The following SMCHD1 variants were observed in gnomAD, a reference collection of about 807,000 sequenced individuals.
SMCHD1 encodes the protein structural maintenance of chromosomes flexible hinge domain-containing protein 1.
SMCHD1 carries 78 observed loss-of-function variants against 254.7 expected under a neutral mutation model. The observed-to-expected ratio is 0.31, with a 90% confidence interval of 0.26 to 0.37. SMCHD1 has a LOEUF of 0.37. Among genes scored for constraint, SMCHD1 ranks in the 10% least tolerant of loss-of-function variants. SMCHD1 has a pLI of 1.00. For synonymous variants in SMCHD1, 766 were observed against 794.9 expected (o/e 0.96, Z 0.61); for missense variants, 1,840 against 2,408.1 (o/e 0.76, Z 4.94).
chr18:2,711,729 G>C (rs566333651), intron 17 of SMCHD1, among the ~76,000 whole-genome samples: 5 of 151,876 alleles, frequency 3.3e-5, no homozygotes, highest in Non-Finnish European at 7.4e-5. Flanking sequence ...TGATCCGCCC[G>C]CCTCGGCCTC....
Position 2,758,069 on chromosome 18 carries a change from GATAT to G in SMCHD1, c.4347-2580_4347-2577del, listed in dbSNP as rs970144475. Among the ~76,000 whole-genome samples the G allele has an allele frequency of 5.3e-5, 8 of 152,130 alleles. No individual in the cohort carries two copies. The South Asian group carries it at 1.0e-3, about 20-fold the overall frequency. On this transcript the variant is annotated intron_variant, in intron 34 of 47. Coordinates refer to ENST00000320876, the MANE Select transcript of SMCHD1 (RefSeq NM_015295.3). ...GCATATATAGATAGATAGATAGATAGATATATTCTTTTAAGTGTATCTTTTGTAA... is the reference window on the plus strand; with the variant it reads ...GCATATATAGATAGATAGATAGATAGATTCTTTTAAGTGTATCTTTTGTAA...
At chr18:2,679,290 AAC>A (rs1286129239) in intron 5 of SMCHD1, among the ~76,000 whole-genome samples, 1 of 108 alleles carries the variant, frequency 9.3e-3, no homozygotes, top group Non-Finnish European at 0.024. Context: ...CATCCTGGCT[AAC>A]ACAGTGAACC....
Position 2,750,382 on chromosome 18 carries a change from A to G in SMCHD1, c.4040A>G (p.Tyr1347Cys), listed in dbSNP as rs774156694. 6.2e-6 allele frequency: 10 copies of G among 1,612,748 alleles called. No homozygotes were observed. Among genetic ancestry groups the G allele is most frequent in the African/African-American group, 2.7e-5 (2 of 74,904 alleles). The change falls in exon 32 of 48, where the codon TAT (tyrosine) becomes TGT (cysteine). Residue 1347 changes from tyrosine to cysteine, a missense_variant. Around this residue, in one of 9 missense-constraint regions of SMCHD1, gnomAD observed 881 missense variants for 1,009.5 expected, o/e 0.87. Coordinates refer to ENST00000320876, the MANE Select transcript of SMCHD1 (RefSeq NM_015295.3). The stretch of plus-strand genomic sequence containing the variant: ...CATACTCTTCAGGTTAAAGCCATCT[A>G]TAACAAAAGTATCATAGAAGGACCT... The part of the protein sequence containing the change: ...GEHTLQVKAI[Y>C]NKSIIEGPII...
Position 2,796,440 on chromosome 18 carries a change from T to G in SMCHD1, c.5912T>G (p.Leu1971Trp). 1 of 1,604,332 alleles carries G rather than the reference T, an allele frequency of 6.2e-7. No individual in the cohort carries two copies. Among genetic ancestry groups the G allele is most frequent in the South Asian group, 1.1e-5 (1 of 88,778 alleles). Residue 1971 changes from leucine (L) to tryptophan (W), a missense_variant, in exon 47 of 48, where the codon TTG (leucine) becomes TGG (tryptophan). Physicochemically the swap from Leu to Trp is moderately conservative, Grantham distance 61. Around this residue, in one of 9 missense-constraint regions of SMCHD1, gnomAD observed 132 missense variants for 138.2 expected, o/e 0.95. Transcript: ENST00000320876. Reference sequence around the variant, plus strand: ...CCCATACGTAAGTGTAATGACTCATTGCGTCATTCACCAAAGGTTGAGACG... The same window carrying G: ...CCCATACGTAAGTGTAATGACTCATGGCGTCATTCACCAAAGGTTGAGACG... ...MTPIRKCNDS[L>W]RHSPKVETTD...
intron 10 of SMCHD1, among the ~76,000 whole-genome samples, chr18:2,700,182 A>C (rs1314369010): frequency 1.3e-5 from 2 of 152,256 alleles, no homozygotes; most frequent in Non-Finnish European, 2.9e-5. Context: ...AGTTCTGATA[A>C]AATTGTGAAA....
At chr18:2,780,592 T>C (rs2143797183) in intron 44 of SMCHD1, among the ~76,000 whole-genome samples, 1 of 152,304 alleles carries the variant, frequency 6.6e-6, no homozygotes, top group South Asian at 2.1e-4. Flanking sequence ...AAGACTCCTG[T>C]TCAATGAGAT....
At chr18:2,699,719 C>T (rs1270208260) in intron 10 of SMCHD1, among the ~76,000 whole-genome samples, 1 of 152,130 alleles carries the variant, frequency 6.6e-6, no homozygotes. Context: ...CAAATGCTGC[C>T]TTAAAAAGAA....
At chr18:2,727,338 CAT>C (rs1169714089) in intron 22 of SMCHD1, among the ~76,000 whole-genome samples, 1 of 152,038 alleles carries the variant, frequency 6.6e-6, no homozygotes, top group Admixed American at 6.5e-5. Context: ...CAAAAAGAAA[CAT>C]ATTAGCTATT....
intron 36 of SMCHD1, 62 bp downstream of exon 36, chr18:2,762,298 G>T: frequency 2.6e-6 from 4 of 1,535,204 alleles, no homozygotes; most frequent in Non-Finnish European, 3.6e-6. Context: ...TTGATTTTAG[G>T]GTACAAAATT....
intron 45 of SMCHD1, 64 bp from the exon 46 acceptor site, chr18:2,795,885 C>T (rs1568407954): frequency 1.4e-6 from 2 of 1,397,598 alleles, no homozygotes; most frequent in Non-Finnish European, 9.7e-7. Context: ...CTCATTTTTT[C>T]CCCTAAAACA....
rs772847892 is a variant in SMCHD1 at position 2,722,700 on chromosome 18, A to G, written c.2603+37A>G. On this transcript the variant is annotated intron_variant, in intron 20 of 47. Transcript: ENST00000320876. ...GATCAATATGTATTTGTCCTTTGAT[A>G]TTTGCTAAGCATTTACTCTTTTTTT... 12 of 1,549,010 alleles carry G rather than the reference A, an allele frequency of 7.7e-6. No individual in the cohort carries two copies. In the Admixed American group the frequency reaches 2.0e-4, roughly 26 times the overall value.
chr18:2,757,055 T>C (rs972134086), intron 34 of SMCHD1, among the ~76,000 whole-genome samples: 4 of 152,180 alleles, frequency 2.6e-5, no homozygotes, highest in Non-Finnish European at 4.4e-5. Flanking sequence ...TTAAAACTGC[T>C]TGAGAAGGTT....
intron 7 of SMCHD1, among the ~76,000 whole-genome samples, chr18:2,689,019 A>T (rs1258021018): frequency 6.6e-6 from 1 of 152,154 alleles, no homozygotes; most frequent in Non-Finnish European, 1.5e-5. Context: ...ATTATAGAGT[A>T]GAAAAACAGT....
rs1199860810 is a variant in SMCHD1, at chr18:2,748,342, TTG to T, written c.3927+735_3927+736del. Reference sequence around the variant, plus strand: ...GGAAAAGCTGCTAGTCTTTGCAAAGTTGTGTGTGTGTGTGTGTGTGTGTGTGT... The same window carrying T: ...GGAAAAGCTGCTAGTCTTTGCAAAGTTGTGTGTGTGTGTGTGTGTGTGTGT... On this transcript the variant is annotated intron_variant, in intron 30 of 47. Transcript: ENST00000320876. 1.5e-3 allele frequency among the ~76,000 whole-genome samples: 115 copies of T among 78,458 alleles called. 3 individuals are homozygous for T. The highest frequency in any genetic ancestry group is 5.2e-3 in the South Asian group (11 of 2,100). 51.5% of individuals were successfully genotyped at this position (78,458 alleles called of 152,430 possible).
rs1229610651 is a variant in SMCHD1, at chr18:2,728,612, G to C, written c.2913+16G>C. The C allele has an allele frequency of 1.2e-6, 2 of 1,606,382 alleles. No individual in the cohort carries two copies. Among genetic ancestry groups the C allele is most frequent in the South Asian group, 1.1e-5 (1 of 89,938 alleles). On this transcript the variant is annotated intron_variant, in intron 23 of 47. Transcript: ENST00000320876. ...TCATTGTAAGGTAAGCTTATTGGAA[G>C]ATATTTAGATTGAGTCCCATTGTAG...
At chr18:2,697,221 C>T (rs2074303360) in intron 9 of SMCHD1, 99 bp downstream of exon 9, 2 of 536,070 alleles carry the variant, frequency 3.7e-6, no homozygotes, top group Admixed American at 3.8e-5. Flanking sequence ...AATTAGACAA[C>T]TTCTCTCTCC....
intron 36 of SMCHD1, among the ~76,000 whole-genome samples, chr18:2,762,718 C>T (rs1454716764): frequency 6.6e-6 from 1 of 151,974 alleles, no homozygotes; most frequent in Non-Finnish European, 1.5e-5. Flanking sequence ...GAAATCCTGA[C>T]CTCATGTTAT....
intron 3 of SMCHD1, among the ~76,000 whole-genome samples, chr18:2,667,549 A>C (rs752024227): frequency 6.6e-6 from 1 of 152,200 alleles, no homozygotes; most frequent in Non-Finnish European, 1.5e-5. Context: ...AGGACTTGCC[A>C]AAGTGTCTAA....
intron 17 of SMCHD1, among the ~76,000 whole-genome samples, chr18:2,716,679 G>T (rs560995976): frequency 1.3e-5 from 2 of 152,318 alleles, no homozygotes; most frequent in South Asian, 4.1e-4. Flanking sequence ...AGCAACCACT[G>T]CCATGCCAAA....
Sources: allele counts gnomAD v4.1 joint callset (sites outside exome capture counted in the v4.1 genomes callset), GRCh38; gene constraint gnomAD v4.1.1; regional missense constraint gnomAD v4.1.1; transcripts MANE v1.5; gene names NCBI Gene and HGNC (gene_info 2026-07-23, HGNC 2026-07-21).